The following MAZ variants were observed in gnomAD, a reference collection of about 807,000 sequenced individuals.
MAZ encodes the protein myc-associated zinc finger protein.
A neutral mutation model predicts 32.7 loss-of-function variants in MAZ; 4 were observed. That is an observed-to-expected ratio of 0.12 (90% CI 0.06 to 0.28). The LOEUF is 0.28. MAZ is among the 10% of genes least tolerant of loss of function. The pLI is 1.00. For synonymous variants in MAZ, 510 were observed against 297.6 expected (o/e 1.71, Z -7.35); for missense variants, 763 against 667.2 (o/e 1.14, Z -1.58).
In MAZ at chr16:29,810,120, GGCAGCGGCAGCAGCGGCA is replaced by G. The variant is rs753879391; in HGVS notation, c.1328_1345del (p.Ala443_Ala448del). 2 of 1,598,240 alleles carry G rather than the reference GGCAGCGGCAGCAGCGGCA, an allele frequency of 1.3e-6. No homozygotes were observed. The highest frequency in any genetic ancestry group is 1.7e-6 in the Non-Finnish European group (2 of 1,172,472). On this transcript the variant is annotated inframe_deletion, in exon 5 of 5. Coordinates refer to ENST00000322945, the MANE Select transcript of MAZ (RefSeq NM_002383.4). ...CAATGGCGGCGGCAGCGGCAGCGGC[GGCAGCGGCAGCAGCGGCA>G]GCAGTAGCAGCCCCTCCCACAGCTG...
intron 4 of MAZ, chr16:29,809,067 C>A: frequency 1.9e-6 from 1 of 530,018 alleles, no homozygotes. Flanking sequence ...GCTGCGCAGC[C>A]ACAAGGTCTT....
At chr16:29,808,788 C>A in intron 4 of MAZ, 47 bp downstream of exon 4, 1 of 1,588,698 alleles carries the variant, frequency 6.3e-7, no homozygotes, top group Non-Finnish European at 8.6e-7. Context: ...AGGGTGGGCG[C>A]CTGGCCAGAC....
In MAZ at chr16:29,810,176, C is replaced by T. The variant is rs995948460; in HGVS notation, c.1379C>T (p.Ser460Leu). The T allele has an allele frequency of 3.1e-6, 5 of 1,609,416 alleles. No individual in the cohort carries two copies. The highest frequency in any genetic ancestry group is 2.2e-5 in the East Asian group (1 of 44,754). Reference protein sequence around the residue: ...AAPPTAVGSLSGAEGVPVSSQ... With the variant: ...AAPPTAVGSLLGAEGVPVSSQ... ...CCTCCCACAGCTGTGGGCTCCCTCT[C>T]GGGGGCGGAGGGGGTGCCTGTGAGC... The change falls in exon 5 of 5, where the codon TCG becomes TTG. Residue 460 changes from serine (S) to leucine (L), a missense_variant. Ser to Leu is a moderately radical substitution (Grantham distance 145, BLOSUM62 -2). Transcript: ENST00000322945.
In MAZ at chr16:29,810,116, C is replaced by T. The variant is rs776150016; in HGVS notation, c.1319C>T (p.Ala440Val). The T allele has an allele frequency of 3.1e-6, 5 of 1,599,470 alleles. No homozygotes were observed. Among genetic ancestry groups the T allele is most frequent in the South Asian group, 2.2e-5 (2 of 90,110 alleles). The change falls in exon 5 of 5, where the codon GCG (alanine) becomes GTG (valine). Residue 440 changes from alanine to valine, a missense_variant. By Grantham distance (64) the Ala-to-Val change is moderately conservative. Transcript: ENST00000322945. ...EVCPMAAAAA[A>V]AAAAAAAAVA... ...TGTCCAATGGCGGCGGCAGCGGCAGCGGCGGCAGCGGCAGCAGCGGCAGCA... is the reference window on the plus strand; with the variant it reads ...TGTCCAATGGCGGCGGCAGCGGCAGTGGCGGCAGCGGCAGCAGCGGCAGCA...
chr16:29,809,312 C>T (rs1417096422), intron 4 of MAZ: 1 of 574,796 alleles, frequency 1.7e-6, no homozygotes, highest in African/African-American at 1.9e-5. Context: ...AGAATGAGTT[C>T]TGTAGGTACC....
In MAZ at chr16:29,810,985, C is replaced by T; in HGVS notation, c.*754C>T. The T allele has an allele frequency of 2.3e-6, 1 of 440,590 alleles. No homozygotes were observed. The highest frequency in any genetic ancestry group is 4.6e-6 in the Non-Finnish European group (1 of 218,780). 27.3% of individuals were successfully genotyped at this position (440,590 alleles called of 1,614,324 possible). A position where few individuals can be genotyped will look rare whatever the true frequency, so the allele number is the denominator to read the frequency against. Reference sequence around the variant, plus strand: ...GGGCGGGGGAATGCAGCCAGTGTCCCCCTCCCCTCTTCCACCCCAGCTCCA... The same window carrying T: ...GGGCGGGGGAATGCAGCCAGTGTCCTCCTCCCCTCTTCCACCCCAGCTCCA... On this transcript the variant is annotated 3_prime_UTR_variant, in exon 5 of 5. Transcript: ENST00000322945.
At position 29,808,511 on chromosome 16, in the gene MAZ, C is replaced by G. The variant is rs1480903297; in HGVS notation, c.1108-59C>G. 9.0e-6 allele frequency: 11 copies of G among 1,228,610 alleles called. No individual in the cohort carries two copies. In the Admixed American group the frequency reaches 2.1e-4, roughly 23 times the overall value. The allele number at this position is 1,228,610 out of a possible 1,614,324, so 76.1% of individuals were successfully genotyped here. ...CCTTTAATCTCTTGCTCCCCCCTCC[C>G]CAGCCCACCAAGCTTTAACTCTCCT... is the stretch of plus-strand genomic sequence containing the variant. On this transcript the variant is annotated intron_variant, in intron 3 of 4. Coordinates refer to ENST00000322945, the MANE Select transcript of MAZ (RefSeq NM_002383.4).
At chr16:29,807,876 C>T (rs757547170) in intron 2 of MAZ, 48 bp downstream of exon 2, 4 of 1,584,006 alleles carry the variant, frequency 2.5e-6, no homozygotes, top group Non-Finnish European at 3.4e-6. Flanking sequence ...GAGGGAGGGA[C>T]GCGACGGAGG....
chr16:29,806,272 T>TGC, upstream of MAZ: 1 of 95,602 alleles, frequency 1.0e-5, no homozygotes, highest in Non-Finnish European at 2.0e-5. Context: ...GCGCGCCCGG[T>TGC]GCGCGCGCAG....
In MAZ at chr16:29,807,976, G is replaced by C. The variant is rs1222517803; in HGVS notation, c.1043+148G>C. On this transcript the variant is annotated intron_variant, in intron 2 of 4. Transcript: ENST00000322945. ...AGGGCGGAGGGAGGAAGCCTCTCCC[G>C]GTTACCAGGGAGCAAGGGGTGGTCC... 7 of 1,390,142 alleles carry C rather than the reference G, an allele frequency of 5.0e-6. No homozygotes were observed. In the African/African-American group the frequency reaches 7.2e-5, roughly 14 times the overall value. 86.1% of individuals were successfully genotyped at this position (1,390,142 alleles called of 1,614,324 possible).
At chr16:29,809,113 C>T (rs925561778) in intron 4 of MAZ, 25 of 512,104 alleles carry the variant, frequency 4.9e-5, no homozygotes, top group East Asian at 1.3e-4. Context: ...GTACACGGGC[C>T]GGGCTTTACC....
Position 29,807,547 on chromosome 16 carries a change from C to T in MAZ, c.762C>T (p.Gly254=), listed in dbSNP as rs1248420269. 35 of 1,599,992 alleles carry T rather than the reference C, an allele frequency of 2.2e-5. No homozygotes were observed. Among genetic ancestry groups the T allele is most frequent in the Non-Finnish European group, 2.7e-5 (32 of 1,175,014 alleles). ...AGGGGGEAGA[G]GGAAAVAAGG... ...GGGGAGGGGGAGAGGCGGGTGCCGG[C>T]GGCGGCGCTGCCGCAGTGGCCGCCG... The change falls in exon 2 of 5, where the codon GGC becomes GGT. Residue 254 remains glycine, a synonymous_variant. Transcript: ENST00000322945.
chr16:29,807,528 G>A lies in MAZ; in HGVS notation c.743G>A (p.Gly248Glu), dbSNP rs762977430. 1.9e-4 allele frequency: 301 copies of A among 1,604,292 alleles called. 1 individual carries two copies. The highest frequency in any genetic ancestry group is 2.4e-4 in the Non-Finnish European group (280 of 1,176,868). Residue 248 changes from glycine to glutamate, a missense_variant, in exon 2 of 5, where the codon GGG becomes GAG. Transcript: ENST00000322945. ...CAGCTGAGCGGAGCCGGCGGGGGAG[G>A]GGGAGAGGCGGGTGCCGGCGGCGGC... The part of the protein sequence containing the change: ...VPQLSGAGGG[G>E]GEAGAGGGAA...
chr16:29,808,458 C>T (rs1899684735), intron 3 of MAZ, 112 bp from the exon 4 acceptor site: 2 of 1,003,882 alleles, frequency 2.0e-6, no homozygotes, highest in Non-Finnish European at 3.0e-6. Flanking sequence ...CCATTTCCTA[C>T]AGATCAAAGA....
At chr16:29,809,271 C>T (rs1899761903) in intron 4 of MAZ, 8 of 546,432 alleles carry the variant, frequency 1.5e-5, no homozygotes, top group Non-Finnish European at 2.6e-5. Flanking sequence ...GTCAGTGTCT[C>T]GTCATCCTGG....
chr16:29,807,177 C>T lies in MAZ; in HGVS notation c.392C>T (p.Pro131Leu), dbSNP rs1286155310. ...TVDTAALKQP[P>L]APPPPPPPVS... ...GACACAGCGGCCCTGAAGCAGCCTC[C>T]GGCGCCCCCTCCGCCACCCCCGCCA... Residue 131 changes from proline (P) to leucine (L), a missense_variant, in exon 2 of 5, where the codon CCG becomes CTG. Transcript: ENST00000322945. 8.9e-7 allele frequency: 1 copy of T among 1,119,980 alleles called. No individual in the cohort carries two copies. Among genetic ancestry groups the T allele is most frequent in the Non-Finnish European group, 1.1e-6 (1 of 894,998 alleles). 69.4% of individuals were successfully genotyped at this position (1,119,980 alleles called of 1,614,324 possible).
At position 29,807,440 on chromosome 16, in the gene MAZ, C is replaced by G; in HGVS notation, c.655C>G (p.Arg219Gly). ...CATCCACACGGGAGCCAAGGCCGGC[C>G]GGGTCCCCTCGGGTGCTATGAAGAT... ...EAIHTGAKAGRVPSGAMKMPT... is the reference protein window; with the variant it reads ...EAIHTGAKAGGVPSGAMKMPT... Residue 219 changes from arginine to glycine, a missense_variant, in exon 2 of 5, where the codon CGG becomes GGG. Coordinates refer to ENST00000322945, the MANE Select transcript of MAZ (RefSeq NM_002383.4). 1 of 1,612,432 alleles carries G rather than the reference C, an allele frequency of 6.2e-7. No homozygotes were observed. Among genetic ancestry groups the G allele is most frequent in the Non-Finnish European group, 8.5e-7 (1 of 1,179,738 alleles).
Position 29,807,226 on chromosome 16 carries a change from C to T in MAZ, c.441C>T (p.Ala147=), listed in dbSNP as rs766939790. ...PPPVSAPAAE[A]APPASAATIA... Reference sequence around the variant, plus strand: ...CAGTGTCGGCGCCCGCGGCCGAGGCCGCGCCCCCCGCCTCCGCCGCCACTA... The same window carrying T: ...CAGTGTCGGCGCCCGCGGCCGAGGCTGCGCCCCCCGCCTCCGCCGCCACTA... The change falls in exon 2 of 5, where the codon GCC becomes GCT. Residue 147 remains alanine, a synonymous_variant. Coordinates refer to ENST00000322945, the MANE Select transcript of MAZ (RefSeq NM_002383.4). 1.5e-6 allele frequency: 2 copies of T among 1,309,982 alleles called. No homozygotes were observed. The highest frequency in any genetic ancestry group is 3.1e-5 in the East Asian group (1 of 31,826). 81.1% of individuals were successfully genotyped at this position (1,309,982 alleles called of 1,614,324 possible).
chr16:29,810,545 A>G lies in MAZ; in HGVS notation c.*314A>G. 1.4e-6 allele frequency: 1 copy of G among 699,658 alleles called. No homozygotes were observed. The highest frequency in any genetic ancestry group is 2.6e-6 in the Non-Finnish European group (1 of 383,628). The allele number at this position is 699,658 out of a possible 1,614,324, so 43.3% of individuals were successfully genotyped here. A position where few individuals can be genotyped will look rare whatever the true frequency, so the allele number is the denominator to read the frequency against. On this transcript the variant is annotated 3_prime_UTR_variant, in exon 5 of 5. Coordinates refer to ENST00000322945, the MANE Select transcript of MAZ (RefSeq NM_002383.4). ...TACCCCCTCTCCTCTCTGTAAGCCC[A>G]TGCCCTGTCTTCCCAGGGACTTGTG...
Sources: gnomAD v4.1 joint callset for allele counts on GRCh38, gnomAD v4.1.1 for gene constraint, MANE v1.5 for transcripts, NCBI Gene and HGNC (gene_info 2026-07-23, HGNC 2026-07-21) for gene names.